ADA: variants seen among roughly 807,000 people sequenced by gnomAD.
ADA encodes adenosine deaminase.
A neutral mutation model predicts 49.0 loss-of-function variants in ADA; 45 were observed. The observed-to-expected ratio is 0.92, with a 90% confidence interval of 0.72 to 1.18. The LOEUF (loss-of-function observed/expected upper bound fraction) is 1.18. Ranked by LOEUF, ADA falls within the 50% of genes most tolerant of loss-of-function variation. The pLI, the probability that ADA is intolerant of heterozygous loss-of-function variation, is 0.00. For synonymous variants in ADA, 173 were observed against 184.2 expected (o/e 0.94, Z 0.49); for missense variants, 445 against 472.5 (o/e 0.94, Z 0.54).
intron 2 of ADA, 50 bp downstream of exon 2, chr20:44,636,177 G>A (rs1039699452): frequency 2.6e-6 from 4 of 1,515,188 alleles, no homozygotes; most frequent in Non-Finnish European, 3.6e-6. Context: ...GGTGGAGCTG[G>A]GGACCCCACT....
intron 6 of ADA, 143 bp downstream of exon 6, chr20:44,624,059 G>T: frequency 1.6e-6 from 2 of 1,259,604 alleles, no homozygotes; most frequent in Non-Finnish European, 2.2e-6. Context: ...GGGGATTCCA[G>T]TTCCAAGCCT....
intron 1 of ADA, 140 bp from the exon 2 acceptor site, chr20:44,636,428 C>A: frequency 2.7e-6 from 2 of 731,822 alleles, no homozygotes; most frequent in Non-Finnish European, 4.7e-6. Context: ...TGGCTGCTGA[C>A]CCCATATACT....
At chr20:44,635,971 A>G (rs1293785008) in intron 2 of ADA, 2 of 535,604 alleles carry the variant, frequency 3.7e-6, no homozygotes, top group Non-Finnish European at 3.4e-6. Flanking sequence ...TGGGGAGAGC[A>G]GGCTCAGGCC....
rs1008069188 is a variant in ADA at position 44,638,058 on chromosome 20, G to A, written c.34-1770C>T. Among the ~76,000 whole-genome samples, 10 of 152,124 alleles carry A rather than the reference G, an allele frequency of 6.6e-5. No individual in the cohort carries two copies. The East Asian group carries it at 9.6e-4, about 15-fold the overall frequency. ...ATGGAGAGGGCCCAGCCAGAGAGCC[G>A]GAGTCACACTGTATAGAGCATCATG... On this transcript the variant is annotated intron_variant, in intron 1 of 11. Coordinates refer to ENST00000372874, the MANE Select transcript of ADA (RefSeq NM_000022.4).
At chr20:44,644,917 A>T (rs1244349861) in intron 1 of ADA, among the ~76,000 whole-genome samples, 1 of 152,196 alleles carries the variant, frequency 6.6e-6, no homozygotes, top group Non-Finnish European at 1.5e-5. Context: ...GGGACTCAGC[A>T]CACTTAAACT....
In ADA at chr20:44,629,036, G is replaced by A. The variant is rs2065408141; in HGVS notation, c.218+11C>T. ...TGCTGCCCTAGGACCTGTGGGTTGGGGGCAACTCACGCGATAGCAGGCATG... is the reference window on the plus strand; with the variant it reads ...TGCTGCCCTAGGACCTGTGGGTTGGAGGCAACTCACGCGATAGCAGGCATG... On this transcript the variant is annotated intron_variant, in intron 3 of 11. Coordinates refer to ENST00000372874, the MANE Select transcript of ADA (RefSeq NM_000022.4). 6 of 1,614,152 alleles carry A rather than the reference G, an allele frequency of 3.7e-6. No individual in the cohort carries two copies. In the South Asian group the frequency reaches 6.6e-5, roughly 18 times the overall value.
At chr20:44,632,518 C>T (rs1346092946) in intron 2 of ADA, among the ~76,000 whole-genome samples, 1 of 152,158 alleles carries the variant, frequency 6.6e-6, no homozygotes, top group African/African-American at 2.4e-5. Context: ...AGGGGACTCC[C>T]AGTGTCTCCC....
chr20:44,628,195 A>G (rs2065400041), intron 3 of ADA, among the ~76,000 whole-genome samples: 2 of 152,196 alleles, frequency 1.3e-5, no homozygotes, highest in South Asian at 4.1e-4. Flanking sequence ...GGCCACTCTC[A>G]GGAGAAGGGG....
Position 44,651,563 on chromosome 20 carries a change from G to C in ADA, c.33+12C>G, listed in dbSNP as rs1045500089. The C allele has an allele frequency of 1.5e-5, 23 of 1,535,328 alleles. No homozygotes were observed. Among genetic ancestry groups the C allele is most frequent in the Non-Finnish European group, 1.9e-5 (22 of 1,147,400 alleles). On this transcript the variant is annotated intron_variant, in intron 1 of 11. Transcript: ENST00000372874. The stretch of plus-strand genomic sequence containing the variant: ...CCGGACCCCCGTCCCCGGAGCCCCC[G>C]CGCGCGCTCACTTTGGGCTTGTCGA...
At position 44,622,602 on chromosome 20, in the gene ADA, C is replaced by A. The variant is rs542229902; in HGVS notation, c.831G>T (p.Glu277Asp). The change falls in exon 9 of 12, where the codon GAG (glutamate) becomes GAT (aspartate). Residue 277 changes from glutamate (E) to aspartate (D), a missense_variant. Coordinates refer to ENST00000372874, the MANE Select transcript of ADA (RefSeq NM_000022.4). ...ACAGAGCTCACCGAATGACTGCATG[C>A]TCCGTGTCCGGCTTCCAGGCACCAG... ...YLTGAWKPDT[E>D]HAVIRLKNDQ... The A allele has an allele frequency of 1.7e-5, 28 of 1,614,258 alleles. No individual in the cohort carries two copies. In the East Asian group the frequency reaches 2.2e-4, roughly 13 times the overall value.
chr20:44,624,115 T>G lies in ADA; in HGVS notation c.606+87A>C, dbSNP rs555865053. On this transcript the variant is annotated intron_variant, in intron 6 of 11. Coordinates refer to ENST00000372874, the MANE Select transcript of ADA (RefSeq NM_000022.4). ...CTTCAGAACTCAGGAGACACCATGG[T>G]CCCTGGTTCTTGTGATTTCTCCCAA... The G allele has an allele frequency of 1.0e-4, 156 of 1,525,784 alleles. No homozygotes were observed. In the African/African-American group the frequency reaches 1.9e-3, roughly 19 times the overall value. 94.5% of individuals were successfully genotyped at this position (1,525,784 alleles called of 1,614,324 possible).
intron 3 of ADA, among the ~76,000 whole-genome samples, chr20:44,626,861 GTCA>G (rs1057142956): frequency 1.9e-4 from 29 of 152,220 alleles, no homozygotes; most frequent in African/African-American, 6.3e-4. Flanking sequence ...GCTTGCCCCT[GTCA>G]TCCTGTTCTC....
At chr20:44,651,267 TC>T (rs896496496) in intron 1 of ADA, among the ~76,000 whole-genome samples, 2 of 152,136 alleles carry the variant, frequency 1.3e-5, no homozygotes, top group Non-Finnish European at 2.9e-5. Context: ...AGACCTCAAG[TC>T]CCTGCCCAGG....
intron 1 of ADA, among the ~76,000 whole-genome samples, chr20:44,648,578 C>T (rs946301185): frequency 6.6e-5 from 10 of 151,988 alleles, no homozygotes; most frequent in Middle Eastern, 3.2e-3. Flanking sequence ...CAAGTGGTTG[C>T]GGTTCTTCTG....
Position 44,625,442 on chromosome 20 carries a change from G to T in ADA, c.478+127C>A, listed in dbSNP as rs1246990272. 4.7e-6 allele frequency: 4 copies of T among 849,790 alleles called. No homozygotes were observed. The African/African-American group carries it at 6.7e-5, about 14-fold the overall frequency. The allele number at this position is 849,790 out of a possible 1,614,324, so 52.6% of individuals were successfully genotyped here. On this transcript the variant is annotated intron_variant, in intron 5 of 11. Transcript: ENST00000372874. Reference sequence around the variant, plus strand: ...TTCATGAAGCCCCAAGTTCATGCCAGTGGGCTCAAGGGGACACCATGGGGC... The same window carrying T: ...TTCATGAAGCCCCAAGTTCATGCCATTGGGCTCAAGGGGACACCATGGGGC...
At chr20:44,628,150 G>T (rs2065399768) in intron 3 of ADA, among the ~76,000 whole-genome samples, 1 of 152,218 alleles carries the variant, frequency 6.6e-6, no homozygotes, top group Non-Finnish European at 1.5e-5. Context: ...GGAGAGCCCA[G>T]CGTGGGAAGA....
chr20:44,623,038 C>A lies in ADA; in HGVS notation c.647G>T (p.Gly216Val). 6.2e-7 allele frequency: 1 copy of A among 1,614,192 alleles called. No individual in the cohort carries two copies. The highest frequency in any genetic ancestry group is 1.1e-5 in the South Asian group (1 of 91,080). The change falls in exon 7 of 12, where the codon GGG (glycine) becomes GTG (valine). Residue 216 changes from glycine to valine, a missense_variant. By Grantham distance (109) the Gly-to-Val change is moderately radical (BLOSUM62 -3). Coordinates refer to ENST00000372874, the MANE Select transcript of ADA (RefSeq NM_000022.4). Reference sequence around the variant, plus strand: ...TACTACTTCGGCCGAGCCCACCTCCCCGGCGTGGACAGTACGGTGAATGCC... The same window carrying A: ...TACTACTTCGGCCGAGCCCACCTCCACGGCGTGGACAGTACGGTGAATGCC... Reference protein sequence around the residue: ...KSGIHRTVHAGEVGSAEVVKE... With the variant: ...KSGIHRTVHAVEVGSAEVVKE...
intron 1 of ADA, among the ~76,000 whole-genome samples, chr20:44,647,695 A>T (rs183410836): frequency 2.6e-3 from 388 of 152,126 alleles, no homozygotes; most frequent in Non-Finnish European, 4.5e-3. Context: ...AGGTGGGAGG[A>T]TCACCTGAGA....
At chr20:44,639,409 A>C (rs992769499) in intron 1 of ADA, among the ~76,000 whole-genome samples, 1 of 151,366 alleles carries the variant, frequency 6.6e-6, no homozygotes, top group Non-Finnish European at 1.5e-5. Context: ...CACTAGAGAC[A>C]CCTTTTGTTT....
Sources: gnomAD v4.1 joint callset for allele counts (sites outside exome capture counted in the v4.1 genomes callset) on GRCh38, gnomAD v4.1.1 for gene constraint, MANE v1.5 for transcripts, NCBI Gene and HGNC (gene_info 2026-07-23, HGNC 2026-07-21) for gene names.